The following ITGB6 variants were observed in gnomAD, a reference collection of about 807,000 sequenced individuals.
ITGB6 encodes the protein integrin beta-6.
In ITGB6, 80 loss-of-function variants were observed where a neutral mutation model predicts 84.5. That is an observed-to-expected ratio of 0.95 (90% CI 0.79 to 1.14). ITGB6 has a LOEUF of 1.14. Ranked by LOEUF, ITGB6 falls within the 50% of genes most tolerant of loss-of-function variation. ITGB6 has a pLI of 0.00. For synonymous variants in ITGB6, 383 were observed against 354.9 expected (o/e 1.08, Z -0.89); for missense variants, 1,006 against 968.0 (o/e 1.04, Z -0.52).
At chr2:160,114,084 A>G (rs959363151) in intron 12 of ITGB6, among the ~76,000 whole-genome samples, 7 of 152,094 alleles carry the variant, frequency 4.6e-5, no homozygotes, top group Admixed American at 3.9e-4. Context: ...TTTTCTTTCA[A>G]ATAGCTGCAC....
At chr2:160,160,039 C>A (rs759506599) in intron 7 of ITGB6, among the ~76,000 whole-genome samples, 2 of 152,110 alleles carry the variant, frequency 1.3e-5, no homozygotes, top group Non-Finnish European at 2.9e-5. Context: ...TGAACGAAGG[C>A]AGGGATTGGC....
rs1683241310 is a variant in ITGB6, at chr2:160,126,385, G to C, written c.1877C>G (p.Ser626Cys). ...AGAAAAGCAGAGACATTACCGTTTA[G>C]AGTTACAGGGGTCACCACAGGTAGG... ...RCPTCGDPCN[S>C]KRSCIECHLS... Residue 626 changes from serine (S) to cysteine (C), a missense_variant, in exon 11 of 15, where the codon TCT (serine) becomes TGT (cysteine). Ser to Cys is a moderately radical substitution (Grantham distance 112, BLOSUM62 -1). Transcript: ENST00000283249. The C allele has an allele frequency of 6.2e-7, 1 of 1,613,904 alleles. No homozygotes were observed.
intron 4 of ITGB6, 100 bp from the exon 5 acceptor site, chr2:160,174,239 T>C (rs746365524): frequency 3.7e-5 from 35 of 941,480 alleles, no homozygotes; most frequent in Non-Finnish European, 5.0e-5. Context: ...TGAAGATTAG[T>C]TTTTCTAAAG....
In ITGB6 at chr2:160,194,365, T is replaced by C. The variant is rs2357862; in HGVS notation, c.593+1004A>G. Among the ~76,000 whole-genome samples, 1,253 of 152,064 alleles carry C rather than the reference T, an allele frequency of 8.2e-3. 26 individuals carry two copies. The highest frequency in any genetic ancestry group is 0.028 in the African/African-American group (1,154 of 41,320). ...TATAATAAAAGCTGTTTATCTTTTA[T>C]AGAGATTGATGCCTTTGGTGTATAA... On this transcript the variant is annotated intron_variant, in intron 4 of 14. Transcript: ENST00000283249.
At position 160,100,938 on chromosome 2, in the gene ITGB6, C is replaced by T. The variant is rs1450935232; in HGVS notation, c.*798G>A. 6.6e-6 allele frequency: 1 copy of T among 151,972 alleles called. No homozygotes were observed. The highest frequency in any genetic ancestry group is 1.9e-4 in the East Asian group (1 of 5,192). 9.4% of individuals were successfully genotyped at this position (151,972 alleles called of 1,614,324 possible). ...CAATTACAGGGTTTAAAAGACTGTG[C>T]AACTGAGTGAAATGGATTGAGAAAT... On this transcript the variant is annotated 3_prime_UTR_variant, in exon 15 of 15. Coordinates refer to ENST00000283249, the MANE Select transcript of ITGB6 (RefSeq NM_000888.5).
At chr2:160,167,642 A>C (rs1685048557) in intron 7 of ITGB6, among the ~76,000 whole-genome samples, 1 of 152,216 alleles carries the variant, frequency 6.6e-6, no homozygotes, top group Non-Finnish European at 1.5e-5. Flanking sequence ...TTTCCCTTGC[A>C]ACGGGGGAAT....
rs1341552042 is a variant in ITGB6, at chr2:160,126,561, GC to G, written c.1700del (p.Ser567ThrfsTer85). 1 of 1,613,836 alleles carries G rather than the reference GC, an allele frequency of 6.2e-7. No individual in the cohort carries two copies. The highest frequency in any genetic ancestry group is 8.5e-7 in the Non-Finnish European group (1 of 1,180,006). ...AGTTGCAGTACTCGCCAGTCCAGCC[GC>G]TCCTGCACACACATTCACCACAGTC... ...DCDCGECVCR[S>X]GWTGEYCNCT... On this transcript the variant is annotated frameshift_variant, in exon 11 of 15. Coordinates refer to ENST00000283249, the MANE Select transcript of ITGB6 (RefSeq NM_000888.5). LOFTEE classifies it high-confidence loss of function.
At position 160,112,145 on chromosome 2, in the gene ITGB6, A is replaced by C; in HGVS notation, c.2036T>G (p.Leu679Arg). 1 of 1,608,566 alleles carries C rather than the reference A, an allele frequency of 6.2e-7. No homozygotes were observed. Among genetic ancestry groups the C allele is most frequent in the East Asian group, 2.2e-5 (1 of 44,850 alleles). ...SCSLQGENEC[L>R]ITFLITTDNE... ...ATCTGTAGTTATTAGGAATGTAATA[A>C]GACATTCATTTTCTCCTTGCAGAGA... The change falls in exon 13 of 15, where the codon CTT becomes CGT. Residue 679 changes from leucine (L) to arginine (R), a missense_variant. Transcript: ENST00000283249.
rs11464202 is a variant in ITGB6, at chr2:160,128,274, CA to C, written c.1661-1674del. On this transcript the variant is annotated intron_variant, in intron 10 of 14. Transcript: ENST00000283249. ...ATTTGAAAGATACGGGTAGACAATA[CA>C]AAAAAAAAAAAAGGTTCTATGCATT... is the stretch of plus-strand genomic sequence containing the variant. Among the ~76,000 whole-genome samples the C allele has an allele frequency of 3.9e-3, 535 of 138,250 alleles. 2 individuals are homozygous for C. The highest frequency in any genetic ancestry group is 0.01 in the African/African-American group (394 of 37,604). The allele number at this position is 138,250 out of a possible 152,430, so 90.7% of individuals were successfully genotyped here.
chr2:160,135,624 G>A (rs60688583), intron 10 of ITGB6, among the ~76,000 whole-genome samples: 28,584 of 141,776 alleles, frequency 0.2, 2,825 homozygotes, highest in Admixed American at 0.33. Flanking sequence ...GAACAAAGCT[G>A]GAGGCATCAT....
intron 7 of ITGB6, among the ~76,000 whole-genome samples, chr2:160,153,387 G>A (rs952804657): frequency 1.3e-5 from 2 of 152,204 alleles, no homozygotes; most frequent in African/African-American, 4.8e-5. Context: ...CTAGCCATAT[G>A]TAGAAAGCTG....
chr2:160,133,501 C>G (rs1683557712), intron 10 of ITGB6, among the ~76,000 whole-genome samples: 1 of 151,912 alleles, frequency 6.6e-6, no homozygotes, highest in African/African-American at 2.4e-5. Context: ...ACAGATGAGA[C>G]AGAAAGTTAG....
chr2:160,144,139 G>A (rs1684100392), intron 7 of ITGB6, among the ~76,000 whole-genome samples: 1 of 152,164 alleles, frequency 6.6e-6, no homozygotes, highest in African/African-American at 2.4e-5. Context: ...CTAGGCTGAA[G>A]CAACACTCTC....
At position 160,193,044 on chromosome 2, in the gene ITGB6, C is replaced by G. The variant is rs1256920139; in HGVS notation, c.593+2325G>C. Among the ~76,000 whole-genome samples the G allele has an allele frequency of 1.3e-5, 2 of 152,026 alleles. 1 individual carries two copies. The highest frequency in any genetic ancestry group is 2.9e-5 in the Non-Finnish European group (2 of 67,996). Reference sequence around the variant, plus strand: ...CCCTGTCACACTACTGAAGGAAATGCAAAATGGTATGTTCACTTTGGAAAA... The same window carrying G: ...CCCTGTCACACTACTGAAGGAAATGGAAAATGGTATGTTCACTTTGGAAAA... On this transcript the variant is annotated intron_variant, in intron 4 of 14. Coordinates refer to ENST00000283249, the MANE Select transcript of ITGB6 (RefSeq NM_000888.5).
Position 160,163,212 on chromosome 2 carries a change from G to T in ITGB6, c.1017+6000C>A, listed in dbSNP as rs1238172389. Among the ~76,000 whole-genome samples, 3 of 152,240 alleles carry T rather than the reference G, an allele frequency of 2.0e-5. No homozygotes were observed. The East Asian group carries it at 5.8e-4, about 29-fold the overall frequency. Reference sequence around the variant, plus strand: ...ATTGCTCTGTTCATCCAAATTAACAGCAATAGGGAAGAACCCTAGATGAAG... The same window carrying T: ...ATTGCTCTGTTCATCCAAATTAACATCAATAGGGAAGAACCCTAGATGAAG... On this transcript the variant is annotated intron_variant, in intron 7 of 14. Coordinates refer to ENST00000283249, the MANE Select transcript of ITGB6 (RefSeq NM_000888.5).
intron 12 of ITGB6, among the ~76,000 whole-genome samples, chr2:160,115,439 G>T (rs544983726): frequency 2.0e-5 from 3 of 152,312 alleles, no homozygotes; most frequent in Admixed American, 2.0e-4. Context: ...CAACAGACCT[G>T]CAGCTGAGGG....
chr2:160,112,356 A>G (rs1682573247), intron 12 of ITGB6, among the ~76,000 whole-genome samples, 157 bp from the exon 13 acceptor site: 1 of 151,764 alleles, frequency 6.6e-6, no homozygotes, highest in Non-Finnish European at 1.5e-5. Flanking sequence ...TCATGAAGTG[A>G]GGTTTTCGTT....
chr2:160,182,723 T>C (rs533806746), intron 4 of ITGB6, among the ~76,000 whole-genome samples: 21 of 151,972 alleles, frequency 1.4e-4, no homozygotes, highest in African/African-American at 4.8e-4. Flanking sequence ...GAAGGAAAAA[T>C]GTTAAGGGCA....
chr2:160,137,220 A>G (rs1048212657), intron 10 of ITGB6, among the ~76,000 whole-genome samples: 1 of 152,166 alleles, frequency 6.6e-6, no homozygotes, highest in Admixed American at 6.5e-5. Flanking sequence ...AAACAATAAT[A>G]GACATAAGTT....
Sources: gnomAD v4.1 joint callset for allele counts (sites outside exome capture counted in the v4.1 genomes callset) on GRCh38, gnomAD v4.1.1 for gene constraint, MANE v1.5 for transcripts, NCBI Gene and HGNC (gene_info 2026-07-23, HGNC 2026-07-21) for gene names.